XPO1: variants seen among roughly 807,000 people sequenced by gnomAD.
XPO1 encodes the protein exportin 1.
In XPO1, 5 loss-of-function variants were observed where a neutral mutation model predicts 133.3. The observed-to-expected ratio is 0.04, with a 90% CI of 0.02 to 0.08. XPO1 has a LOEUF of 0.08. Among genes scored for constraint, XPO1 ranks in the 10% least tolerant of loss-of-function variants. XPO1 has a pLI of 1.00. For missense variants in XPO1, 506 were observed against 1,267.5 expected (o/e 0.40, Z 9.12); for synonymous variants, 419 against 408.2 (o/e 1.03, Z -0.32).
At chr2:61,532,571 C>T (rs929987897) in intron 2 of XPO1, among the ~76,000 whole-genome samples, 5 of 151,958 alleles carry the variant, frequency 3.3e-5, no homozygotes, top group African/African-American at 1.2e-4. Context: ...GGCGCGGTGG[C>T]TCATGCCTGT....
intron 4 of XPO1, among the ~76,000 whole-genome samples, chr2:61,507,908 T>G (rs1483279780): frequency 6.6e-6 from 1 of 152,182 alleles, no homozygotes; most frequent in African/African-American, 2.4e-5. Context: ...ATTAATTAAT[T>G]AATTCCAAAG....
In XPO1 at chr2:61,495,813, G is replaced by A. The variant is rs147833113; in HGVS notation, c.889-200C>T. 5.2e-4 allele frequency among the ~76,000 whole-genome samples: 79 copies of A among 152,074 alleles called. 1 individual carries two copies. The highest frequency in any genetic ancestry group is 1.9e-3 in the African/African-American group (78 of 41,464). Reference sequence around the variant, plus strand: ...CCCTCCCGAGTAGCTGGAACCACAGGTATGTGCCATCGCACTAAGCTTATT... The same window carrying A: ...CCCTCCCGAGTAGCTGGAACCACAGATATGTGCCATCGCACTAAGCTTATT... On this transcript the variant is annotated intron_variant, in intron 10 of 24. Coordinates refer to ENST00000401558, the MANE Select transcript of XPO1 (RefSeq NM_003400.4).
At chr2:61,508,623 G>A (rs1039721945) in intron 4 of XPO1, among the ~76,000 whole-genome samples, 3 of 152,142 alleles carry the variant, frequency 2.0e-5, no homozygotes, top group African/African-American at 7.2e-5. Flanking sequence ...GAAACACCTT[G>A]TAAACACTGG....
At chr2:61,533,270 T>C (rs1366321979) in intron 2 of XPO1, among the ~76,000 whole-genome samples, 1 of 152,220 alleles carries the variant, frequency 6.6e-6, no homozygotes, top group Non-Finnish European at 1.5e-5. Flanking sequence ...TTTCACCTTT[T>C]AGTTGGGTTC....
rs1696548128 is a variant in XPO1, at chr2:61,484,093, A to G, written c.2521T>C (p.Tyr841His). 6.8e-6 allele frequency: 11 copies of G among 1,612,114 alleles called. No homozygotes were observed. The highest frequency in any genetic ancestry group is 1.1e-5 in the South Asian group (1 of 90,552). ...LNMINKDFEEYPEHRTNFFLL... is the reference protein window; with the variant it reads ...LNMINKDFEEHPEHRTNFFLL... ...AAAAAGTTCGTTCTATGTTCAGGAT[A>G]TTCTTCAAAGTCCTAAAAATAAGTG... The change falls in exon 21 of 25, where the codon TAT (tyrosine) becomes CAT (histidine). Residue 841 changes from tyrosine to histidine, a missense_variant. Transcript: ENST00000401558.
chr2:61,505,800 C>T (rs1044136772), intron 4 of XPO1, among the ~76,000 whole-genome samples: 3 of 152,042 alleles, frequency 2.0e-5, no homozygotes, highest in South Asian at 2.1e-4. Flanking sequence ...TCAGGTGATC[C>T]GCCCACCTCG....
intron 2 of XPO1, among the ~76,000 whole-genome samples, chr2:61,533,168 G>C (rs1315568408): frequency 1.3e-5 from 2 of 152,248 alleles, no homozygotes; most frequent in African/African-American, 2.4e-5. Flanking sequence ...CACAGAGCGA[G>C]ACTGTCTCAA....
chr2:61,484,261 C>A, intron 20 of XPO1, 156 bp from the exon 21 acceptor site: 1 of 593,608 alleles, frequency 1.7e-6, no homozygotes, highest in Non-Finnish European at 2.9e-6. Flanking sequence ...AAGTAAAATA[C>A]AATCCACCTC....
intron 20 of XPO1, chr2:61,484,368 C>A: frequency 2.7e-6 from 1 of 364,862 alleles, no homozygotes; most frequent in Admixed American, 4.6e-5. Flanking sequence ...ACCATTATTA[C>A]CATAAGACTA....
At chr2:61,527,150 C>T (rs533198377) in intron 2 of XPO1, among the ~76,000 whole-genome samples, 77 of 152,100 alleles carry the variant, frequency 5.1e-4, no homozygotes, top group African/African-American at 1.8e-3. Flanking sequence ...GTTCTCAGCA[C>T]TTAAATCAAC....
intron 4 of XPO1, among the ~76,000 whole-genome samples, chr2:61,520,717 A>G (rs1030708310): frequency 2.6e-5 from 4 of 152,238 alleles, no homozygotes; most frequent in African/African-American, 9.6e-5. Context: ...TACAGTGTTG[A>G]TAAACTAGTA....
At chr2:61,503,485 C>T (rs982093861) in intron 4 of XPO1, among the ~76,000 whole-genome samples, 4 of 151,818 alleles carry the variant, frequency 2.6e-5, no homozygotes, top group East Asian at 1.9e-4. Context: ...AGTGCAGTGG[C>T]GCGATCTCGC....
At chr2:61,507,894 T>A (rs1197299591) in intron 4 of XPO1, among the ~76,000 whole-genome samples, 2 of 152,126 alleles carry the variant, frequency 1.3e-5, no homozygotes, top group South Asian at 4.1e-4. Flanking sequence ...CAAGGCTCCA[T>A]ATCATTAATT....
chr2:61,525,043 T>A (rs1698857348), intron 3 of XPO1, among the ~76,000 whole-genome samples: 1 of 151,902 alleles, frequency 6.6e-6, no homozygotes, highest in South Asian at 2.1e-4. Context: ...TTGCCTTACA[T>A]CTCCAAACTT....
At chr2:61,482,033 C>CTTTTTTGTTTTTTTTTTTTTTTT (rs1491506588) in intron 23 of XPO1, among the ~76,000 whole-genome samples, 1 of 86,820 alleles carries the variant, frequency 1.2e-5, no homozygotes, top group Non-Finnish European at 2.5e-5. Flanking sequence ...CCGTGCGTGG[C>CTTTTTTGTTTTTTTTTTTTTTTT]CTTTTTTTTT....
intron 4 of XPO1, 32 bp from the exon 5 acceptor site, chr2:61,502,342 T>C (rs748563726): frequency 6.3e-7 from 1 of 1,590,482 alleles, no homozygotes; most frequent in African/African-American, 1.4e-5. Context: ...ATAAAAAAAT[T>C]GTTGAGCTCT....
chr2:61,484,112 A>G lies in XPO1; in HGVS notation c.2509-7T>C, dbSNP rs1696548595. ...CAGGATATTCTTCAAAGTCCTAAAA[A>G]TAAGTGGTGGAAACAAAATAATGTT... On this transcript the variant is annotated splice_polypyrimidine_tract_variant and splice_region_variant and intron_variant, in intron 20 of 24. Coordinates refer to ENST00000401558, the MANE Select transcript of XPO1 (RefSeq NM_003400.4). 1.1e-5 allele frequency: 17 copies of G among 1,609,432 alleles called. No individual in the cohort carries two copies. Among genetic ancestry groups the G allele is most frequent in the Non-Finnish European group, 1.4e-5 (17 of 1,176,806 alleles).
chr2:61,501,735 AAAG>A (rs1483136684), intron 6 of XPO1, among the ~76,000 whole-genome samples: 24 of 128,030 alleles, frequency 1.9e-4, no homozygotes, highest in Non-Finnish European at 2.8e-4. Context: ...AAAAAAAAAA[AAAG>A]AAAAGAAAAG....
chr2:61,506,598 C>CAAA (rs71405128), intron 4 of XPO1, among the ~76,000 whole-genome samples: 1 of 81,418 alleles, frequency 1.2e-5, no homozygotes, highest in Admixed American at 1.6e-4. Flanking sequence ...GATTCCGTCT[C>CAAA]AAAAAAAAAA....
Sources: allele counts gnomAD v4.1 joint callset (sites outside exome capture counted in the v4.1 genomes callset), GRCh38; gene constraint gnomAD v4.1.1; transcripts MANE v1.5; gene names NCBI Gene and HGNC (gene_info 2026-07-23, HGNC 2026-07-21).